The following AHCTF1 variants were observed in gnomAD, a reference collection of about 807,000 sequenced individuals.
AHCTF1 encodes AT-hook containing transcription factor 1, also known as protein ELYS.
Under a neutral mutation model 248.4 loss-of-function variants are expected in AHCTF1, and 24 were observed. The ratio of observed to expected loss-of-function variants is 0.10; its 90% CI spans 0.07 to 0.14. The LOEUF (loss-of-function observed/expected upper bound fraction) is 0.14, where lower values mean the gene tolerates loss of function less well. Ranked by LOEUF, AHCTF1 falls within the 10% of genes least tolerant of loss-of-function variation. The pLI is 1.00. For synonymous variants in AHCTF1, 786 were observed against 929.8 expected, an observed-to-expected ratio of 0.85 and a Z score of 2.81; for missense variants, 2,206 against 2,636.2, an observed-to-expected ratio of 0.84 and a Z score of 3.57.
intron 30 of AHCTF1, among the ~76,000 whole-genome samples, chr1:246,857,092 T>C (rs542153870): frequency 6.6e-6 from 1 of 152,332 alleles, no homozygotes; most frequent in African/African-American, 2.4e-5. Flanking sequence ...TACTGATTAG[T>C]ACAGCTGACT....
rs1184586558 is a variant in AHCTF1, at chr1:246,895,931, C to T, written c.1624-6G>A. ...ATAGCTTCTAACTGTTCTTCCTAAA[C>T]CATGCATTACAGAAAGGAAAGAAAT... is the stretch of plus-strand genomic sequence containing the variant. On this transcript the variant is annotated splice_polypyrimidine_tract_variant and splice_region_variant and intron_variant, in intron 12 of 35. Coordinates refer to ENST00000648844, the MANE Select transcript of AHCTF1 (RefSeq NM_001323342.2). 6.2e-7 allele frequency: 1 copy of T among 1,605,232 alleles called. No homozygotes were observed. The highest frequency in any genetic ancestry group is 1.1e-5 in the South Asian group (1 of 89,358).
chr1:246,927,148 A>G (rs1485080233), intron 1 of AHCTF1, among the ~76,000 whole-genome samples: 1 of 151,788 alleles, frequency 6.6e-6, no homozygotes. Context: ...ACTGCACTCC[A>G]GCCTGGGCGA....
intron 29 of AHCTF1, among the ~76,000 whole-genome samples, chr1:246,859,500 G>C (rs909338005): frequency 1.2e-4 from 19 of 152,130 alleles, no homozygotes; most frequent in Non-Finnish European, 4.4e-5. Flanking sequence ...TCAACACCTA[G>C]AATAAACACA....
chr1:246,851,547 T>TA, intron 32 of AHCTF1, 105 bp from the exon 33 acceptor site: 1 of 989,556 alleles, frequency 1.0e-6, no homozygotes, highest in Non-Finnish European at 1.5e-6. Flanking sequence ...TTTTAAAACA[T>TA]AAATTATATT....
At position 246,922,932 on chromosome 1, in the gene AHCTF1, G is replaced by A. The variant is rs1393511110; in HGVS notation, c.-7-4555C>T. On this transcript the variant is annotated intron_variant, in intron 1 of 35. Coordinates refer to ENST00000648844, the MANE Select transcript of AHCTF1 (RefSeq NM_001323342.2). Reference sequence around the variant, plus strand: ...CAGGAGGCGGAGTTTGCAGTGAGCCGAGATTGCACCACTGCACTCTAGCCT... The same window carrying A: ...CAGGAGGCGGAGTTTGCAGTGAGCCAAGATTGCACCACTGCACTCTAGCCT... 3.4e-4 allele frequency among the ~76,000 whole-genome samples: 48 copies of A among 140,834 alleles called. 1 individual carries two copies. The highest frequency in any genetic ancestry group is 5.1e-4 in the Non-Finnish European group (34 of 66,218). The allele number at this position is 140,834 out of a possible 152,430, so 92.4% of individuals were successfully genotyped here.
intron 33 of AHCTF1, among the ~76,000 whole-genome samples, chr1:246,848,048 A>G (rs912974847): frequency 2.6e-5 from 4 of 152,186 alleles, no homozygotes; most frequent in African/African-American, 9.7e-5. Context: ...CTTTTCTAAC[A>G]CTGTGAAGAA....
At position 246,913,381 on chromosome 1, in the gene AHCTF1, C is replaced by G. The variant is rs751091206; in HGVS notation, c.407G>C (p.Gly136Ala). 2 of 1,612,558 alleles carry G rather than the reference C, an allele frequency of 1.2e-6. No individual in the cohort carries two copies. Among genetic ancestry groups the G allele is most frequent in the South Asian group, 2.2e-5 (2 of 90,758 alleles). ...ATGCTGAGTGCTTGCACTGGCTCCT[C>G]CATGATTAATTATAGGTTCAATAGC... is the stretch of plus-strand genomic sequence containing the variant. ...VTAIEPIINH[G>A]GASASTQHLH... The change falls in exon 4 of 36, where the codon GGA (glycine) becomes GCA (alanine). Residue 136 changes from glycine to alanine, a missense_variant. Gly to Ala is a moderately conservative substitution (Grantham distance 60). This residue lies in a region of AHCTF1 where 34 missense variants were observed against 97.2 expected (regional missense o/e 0.35). Coordinates refer to ENST00000648844, the MANE Select transcript of AHCTF1 (RefSeq NM_001323342.2).
intron 21 of AHCTF1, among the ~76,000 whole-genome samples, chr1:246,881,603 G>A (rs1286844877): frequency 2.6e-5 from 4 of 151,990 alleles, no homozygotes; most frequent in African/African-American, 7.2e-5. Flanking sequence ...TTGGGAGGCC[G>A]AGGCGGGCGG....
chr1:246,928,077 G>A (rs10924869), intron 1 of AHCTF1, among the ~76,000 whole-genome samples: 31,540 of 151,894 alleles, frequency 0.21, 3,561 homozygotes, highest in East Asian at 0.31. Context: ...CAAGGCAGGT[G>A]GATCACGAGG....
intron 34 of AHCTF1, 115 bp from the exon 35 acceptor site, chr1:246,842,891 T>C: frequency 1.2e-6 from 1 of 845,522 alleles, no homozygotes; most frequent in Non-Finnish European, 1.9e-6. Context: ...ACTCGCCAAA[T>C]GCAAAATTGA....
chr1:246,892,464 G>C (rs547315407), intron 14 of AHCTF1, among the ~76,000 whole-genome samples: 1 of 151,866 alleles, frequency 6.6e-6, no homozygotes, highest in African/African-American at 2.4e-5. Flanking sequence ...GGGATTACAG[G>C]CATGTGCCAC....
chr1:246,903,152 T>C (rs527740931), intron 7 of AHCTF1, among the ~76,000 whole-genome samples: 22 of 152,210 alleles, frequency 1.4e-4, no homozygotes, highest in Non-Finnish European at 2.8e-4. Context: ...CCCGTTTCTA[T>C]ACGCCTCCAA....
rs748426126 is a variant in AHCTF1 at position 246,864,068 on chromosome 1, C to T, written c.3396G>A (p.Ser1132=). The T allele has an allele frequency of 2.5e-5, 40 of 1,614,020 alleles. No individual in the cohort carries two copies. The East Asian group carries it at 3.6e-4, about 14-fold the overall frequency. Residue 1132 remains serine (S), a synonymous_variant, in exon 27 of 36, where the codon TCG becomes TCA. Coordinates refer to ENST00000648844, the MANE Select transcript of AHCTF1 (RefSeq NM_001323342.2). Reference sequence around the variant, plus strand: ...TCATGGAGCTTTGCTGAATAAACTCCGAACACTGAGAAGGCCGGGGGACAG... The same window carrying T: ...TCATGGAGCTTTGCTGAATAAACTCTGAACACTGAGAAGGCCGGGGGACAG... ...VQPVPRPSQC[S]EFIQQSSMKS...
chr1:246,892,638 A>T (rs1664294947), intron 14 of AHCTF1, among the ~76,000 whole-genome samples: 2 of 151,526 alleles, frequency 1.3e-5, no homozygotes, highest in Non-Finnish European at 2.9e-5. Flanking sequence ...CTTTACTTCT[A>T]ATACTTTTTT....
At chr1:246,913,148 A>G in intron 4 of AHCTF1, 84 bp downstream of exon 4, 1 of 1,176,748 alleles carries the variant, frequency 8.5e-7, no homozygotes, top group East Asian at 2.6e-5. Context: ...TCCAGCTGCT[A>G]TAAAAAAATT....
intron 21 of AHCTF1, among the ~76,000 whole-genome samples, chr1:246,880,783 G>A (rs1239335685): frequency 1.3e-5 from 2 of 152,096 alleles, no homozygotes; most frequent in African/African-American, 4.8e-5. Context: ...GAAATCCATT[G>A]CCAACATTTA....
chr1:246,895,964 AAG>A, intron 12 of AHCTF1, 39 bp from the exon 13 acceptor site: 1 of 1,558,212 alleles, frequency 6.4e-7, no homozygotes, highest in Non-Finnish European at 8.8e-7. Flanking sequence ...AATGGAAAGA[AAG>A]AGGGTGTGAG....
chr1:246,863,153 T>C (rs1661699060), intron 27 of AHCTF1, among the ~76,000 whole-genome samples: 1 of 152,336 alleles, frequency 6.6e-6, no homozygotes, highest in African/African-American at 2.4e-5. Flanking sequence ...TTTAAATTAT[T>C]GAAACCTAAT....
chr1:246,851,083 C>A lies in AHCTF1; in HGVS notation c.4923G>T (p.Leu1641Phe). 1 of 1,613,854 alleles carries A rather than the reference C, an allele frequency of 6.2e-7. No individual in the cohort carries two copies. The highest frequency in any genetic ancestry group is 8.5e-7 in the Non-Finnish European group (1 of 1,179,846). The change falls in exon 33 of 36, where the codon TTG (leucine) becomes TTT (phenylalanine). Residue 1641 changes from leucine to phenylalanine, a missense_variant. Physicochemically the swap from Leu to Phe is conservative, Grantham distance 22. Transcript: ENST00000648844. ...TTTGGTCACTAGTTACGGCAGATGG[C>A]AAATTTGCAATTTGTCCATGATTAT... ...ENDNHGQIAN[L>F]PSAVTSDQKS...
Sources: gnomAD v4.1 joint callset for allele counts (sites outside exome capture counted in the v4.1 genomes callset) on GRCh38, gnomAD v4.1.1 for gene constraint, gnomAD v4.1.1 regional missense constraint, MANE v1.5 for transcripts, NCBI Gene and HGNC (gene_info 2026-07-23, HGNC 2026-07-21) for gene names.